ABLIM1: variants seen among roughly 807,000 people sequenced by gnomAD.
ABLIM1 encodes the protein actin-binding LIM protein 1.
ABLIM1 carries 40 observed loss-of-function variants against 107.0 expected under a neutral mutation model. The ratio of observed to expected loss-of-function variants is 0.37; its 90% CI spans 0.29 to 0.49. The LOEUF (loss-of-function observed/expected upper bound fraction) is 0.49. ABLIM1 is among the 20% of genes least tolerant of loss of function. The probability of loss-of-function intolerance (pLI) is 0.97; values close to 1 mark genes in which losing one functional copy is unlikely to be tolerated. For synonymous variants in ABLIM1, 357 were observed against 357.3 expected, an observed-to-expected ratio of 1.00 and a Z score of 0.01; for missense variants, 857 against 1,008.5, an observed-to-expected ratio of 0.85 and a Z score of 2.04.
intron 22 of ABLIM1, among the ~76,000 whole-genome samples, chr10:114,436,826 C>G (rs2059472902): frequency 6.6e-6 from 1 of 152,074 alleles, no homozygotes; most frequent in African/African-American, 2.4e-5. Flanking sequence ...GAGAAGACTT[C>G]CCATCAGTCA....
At chr10:114,730,292 G>A (rs2082044897) in intron 1 of ABLIM1, among the ~76,000 whole-genome samples, 1 of 151,700 alleles carries the variant, frequency 6.6e-6, no homozygotes. Context: ...CAGCTACTCA[G>A]GAGGCTGAGG....
chr10:114,679,504 G>A (rs928768658), intron 1 of ABLIM1, among the ~76,000 whole-genome samples: 9 of 151,894 alleles, frequency 5.9e-5, no homozygotes, highest in Admixed American at 5.2e-4. Flanking sequence ...GCGTGGTGGC[G>A]TGTGCCTGTG....
In ABLIM1 at chr10:114,629,826, T is replaced by C. The variant is rs1488700155; in HGVS notation, c.245-27865A>G. Reference sequence around the variant, plus strand: ...CCTTTTTCCTATGGAAACCCTTGTGTACCTACCAAAAACAAACAAACAAAC... The same window carrying C: ...CCTTTTTCCTATGGAAACCCTTGTGCACCTACCAAAAACAAACAAACAAAC... On this transcript the variant is annotated intron_variant, in intron 1 of 22. Transcript: ENST00000533213. The surrounding 1 kb of genome is among the most constrained non-coding windows in gnomAD (Gnocchi z 4.0). Among the ~76,000 whole-genome samples the C allele has an allele frequency of 6.7e-6, 1 of 150,126 alleles. No homozygotes were observed. The highest frequency in any genetic ancestry group is 1.5e-5 in the Non-Finnish European group (1 of 68,002).
At chr10:114,706,328 C>T (rs184197625) in intron 1 of ABLIM1, among the ~76,000 whole-genome samples, 501 of 152,280 alleles carry the variant, frequency 3.3e-3, no homozygotes, top group Non-Finnish European at 3.8e-3. Context: ...GTTATATAAA[C>T]GATATTGAAT....
chr10:114,678,846 A>G (rs2080610971), intron 1 of ABLIM1, among the ~76,000 whole-genome samples: 1 of 152,212 alleles, frequency 6.6e-6, no homozygotes, highest in African/African-American at 2.4e-5. Flanking sequence ...AAAGTATTTC[A>G]GGTTAACTGA....
At chr10:114,474,505 C>T (rs775245187) in intron 8 of ABLIM1, among the ~76,000 whole-genome samples, 3 of 151,970 alleles carry the variant, frequency 2.0e-5, no homozygotes, top group East Asian at 1.9e-4. Flanking sequence ...CTCAGCCTCC[C>T]GAGTAGCTAG....
chr10:114,776,055 C>T, the ABLIM1 span: 1 of 152,098 alleles, frequency 6.6e-6, no homozygotes, highest in Non-Finnish European at 1.5e-5. Flanking sequence ...TGCAATCCTA[C>T]AATATAGAGG....
rs1161024081 is a variant in ABLIM1, at chr10:114,431,635, TGTCAAG to T, written c.*4619_*4624del. ...AGTAAGCAGCTCACATCTTTCTGAA[TGTCAAG>T]GTCTACAGGATTGTCTCTGTCCACC... On this transcript the variant is annotated 3_prime_UTR_variant, in exon 23 of 23. Transcript: ENST00000533213. The T allele has an allele frequency of 6.6e-6, 1 of 152,190 alleles. No individual in the cohort carries two copies. Among genetic ancestry groups the T allele is most frequent in the East Asian group, 1.9e-4 (1 of 5,200 alleles). The allele number at this position is 152,190 out of a possible 1,614,324, so 9.4% of individuals were successfully genotyped here.
chr10:114,693,383 G>A (rs1165520240), intron 1 of ABLIM1, among the ~76,000 whole-genome samples: 1 of 151,348 alleles, frequency 6.6e-6, no homozygotes, highest in Admixed American at 6.6e-5. Context: ...GTGAGTGTAA[G>A]TGACTACAGC....
At chr10:114,487,787 T>G (rs866772821) in intron 8 of ABLIM1, among the ~76,000 whole-genome samples, 171 bp downstream of exon 8, 4 of 152,214 alleles carry the variant, frequency 2.6e-5, no homozygotes, top group African/African-American at 2.4e-5. Context: ...ACAGTACGTT[T>G]AAGGTAAGAG....
chr10:114,572,570 T>G (rs1036601432), intron 3 of ABLIM1, among the ~76,000 whole-genome samples: 2 of 152,136 alleles, frequency 1.3e-5, no homozygotes, highest in African/African-American at 4.8e-5. Flanking sequence ...GGCAGTACAG[T>G]GAAGGCTCAG....
chr10:114,503,079 C>T (rs2060644381), intron 6 of ABLIM1, among the ~76,000 whole-genome samples: 1 of 152,182 alleles, frequency 6.6e-6, no homozygotes, highest in South Asian at 2.1e-4. Flanking sequence ...TCATACTTCA[C>T]TAAATCTCAA....
At chr10:114,753,811 A>C (rs1000210041) in intron 1 of ABLIM1, among the ~76,000 whole-genome samples, 1 of 152,150 alleles carries the variant, frequency 6.6e-6, no homozygotes, top group African/African-American at 2.4e-5. Flanking sequence ...AAGCTGAAAA[A>C]ACACAACTGT....
intron 2 of ABLIM1, among the ~76,000 whole-genome samples, chr10:114,589,544 G>A (rs1288219053): frequency 6.7e-6 from 1 of 150,252 alleles, no homozygotes; most frequent in African/African-American, 2.4e-5. Flanking sequence ...AAAAAAAAGA[G>A]AGAGAGAGAG....
intron 1 of ABLIM1, among the ~76,000 whole-genome samples, chr10:114,672,793 A>C (rs2080310732): frequency 6.6e-6 from 1 of 152,306 alleles, no homozygotes; most frequent in Non-Finnish European, 1.5e-5. Context: ...TAAATAGTAT[A>C]AGATAGTGAT....
At chr10:114,677,425 C>A (rs920562674) in intron 1 of ABLIM1, among the ~76,000 whole-genome samples, 4 of 152,156 alleles carry the variant, frequency 2.6e-5, no homozygotes, top group African/African-American at 7.2e-5. Context: ...TGCCTTCCCA[C>A]CTTTCCTAAA....
At chr10:114,698,487 A>C (rs2081241854) in intron 1 of ABLIM1, among the ~76,000 whole-genome samples, 1 of 152,048 alleles carries the variant, frequency 6.6e-6, no homozygotes, top group African/African-American at 2.4e-5. Flanking sequence ...GAGAGGACAA[A>C]GAAAGTAAAG....
upstream of ABLIM1, among the ~76,000 whole-genome samples, chr10:114,659,467 T>C (rs1225851471): frequency 6.6e-6 from 1 of 152,124 alleles, no homozygotes; most frequent in Non-Finnish European, 1.5e-5. Context: ...CAGTGAGCTA[T>C]GATTGTGCCA....
intron 1 of ABLIM1, among the ~76,000 whole-genome samples, chr10:114,654,812 A>G (rs116940552): frequency 0.016 from 2,363 of 152,238 alleles, 25 homozygotes; most frequent in Non-Finnish European, 0.024. Context: ...TCTCTCCCAT[A>G]CTGTGCAAGG....
Sources: gnomAD v4.1 joint callset for allele counts (sites outside exome capture counted in the v4.1 genomes callset) on GRCh38, gnomAD v4.1.1 for gene constraint, Gnocchi (gnomAD v3.1) non-coding constraint, MANE v1.5 for transcripts, NCBI Gene and HGNC (gene_info 2026-07-23, HGNC 2026-07-21) for gene names.